CALCRL: variants seen among roughly 807,000 people sequenced by gnomAD.
CALCRL encodes calcitonin gene-related peptide type 1 receptor.
In CALCRL, 27 loss-of-function variants were observed where a neutral mutation model predicts 60.4. That is an observed-to-expected ratio of 0.45 (90% CI 0.33 to 0.62). The LOEUF (loss-of-function observed/expected upper bound fraction) is 0.62. Ranked by LOEUF, CALCRL falls within the 20% of genes least tolerant of loss-of-function variation. The pLI is 0.03. For missense variants in CALCRL, 424 were observed against 540.7 expected, an observed-to-expected ratio of 0.78 and a Z score of 2.14; for synonymous variants, 190 against 182.6, an observed-to-expected ratio of 1.04 and a Z score of -0.33.
intron 1 of CALCRL, among the ~76,000 whole-genome samples, chr2:187,412,928 T>G (rs539734392): frequency 1.3e-5 from 2 of 152,226 alleles, no homozygotes; most frequent in Non-Finnish European, 2.9e-5. Flanking sequence ...TAAATATGCT[T>G]TGTTGATTGT....
intron 1 of CALCRL, among the ~76,000 whole-genome samples, chr2:187,440,740 G>A (rs1406423041): frequency 4.6e-5 from 7 of 152,040 alleles, no homozygotes. Context: ...TTTGAAGGAA[G>A]TAGACTGGAA....
At chr2:187,405,709 G>T (rs1001043678) in intron 1 of CALCRL, among the ~76,000 whole-genome samples, 5 of 152,008 alleles carry the variant, frequency 3.3e-5, no homozygotes, top group Non-Finnish European at 2.9e-5. Context: ...ATTAGCACTC[G>T]GTTATTAGTT....
intron 1 of CALCRL, among the ~76,000 whole-genome samples, chr2:187,416,242 TAAAC>T (rs1042487634): frequency 2.0e-5 from 3 of 152,168 alleles, no homozygotes; most frequent in Middle Eastern, 3.2e-3. Flanking sequence ...CAATTAAAAA[TAAAC>T]AAATTTACTA....
intron 12 of CALCRL, among the ~76,000 whole-genome samples, chr2:187,357,306 A>G (rs1321980813): frequency 6.6e-6 from 1 of 152,058 alleles, no homozygotes; most frequent in African/African-American, 2.4e-5. Context: ...TATATACACC[A>G]TGGAATACTA....
At chr2:187,417,229 G>A (rs928138317) in intron 1 of CALCRL, among the ~76,000 whole-genome samples, 5 of 151,834 alleles carry the variant, frequency 3.3e-5, no homozygotes, top group African/African-American at 1.2e-4. Flanking sequence ...TATACTCAGA[G>A]TAGCATAGTT....
At chr2:187,413,423 C>T (rs528961735) in intron 1 of CALCRL, among the ~76,000 whole-genome samples, 1 of 152,008 alleles carries the variant, frequency 6.6e-6, no homozygotes. Context: ...GACTGTTGCT[C>T]TATCTATAAC....
At chr2:187,406,220 G>A (rs910851404) in intron 1 of CALCRL, among the ~76,000 whole-genome samples, 1 of 149,742 alleles carries the variant, frequency 6.7e-6, no homozygotes, top group Non-Finnish European at 1.5e-5. Context: ...TATGTTGTAT[G>A]TGAAAAACAT....
At chr2:187,406,922 T>C (rs1029256064) in intron 1 of CALCRL, among the ~76,000 whole-genome samples, 4 of 152,094 alleles carry the variant, frequency 2.6e-5, no homozygotes, top group African/African-American at 9.7e-5. Flanking sequence ...TAGTAGTGTT[T>C]GTGAAGTCTA....
At chr2:187,366,951 C>A (rs1448540339) in intron 8 of CALCRL, among the ~76,000 whole-genome samples, 5 of 151,544 alleles carry the variant, frequency 3.3e-5, no homozygotes, top group Admixed American at 3.3e-4. Flanking sequence ...CACACACACA[C>A]ACACACACAC....
intron 1 of CALCRL, among the ~76,000 whole-genome samples, chr2:187,427,894 C>T (rs1434198517): frequency 6.6e-6 from 1 of 152,154 alleles, no homozygotes; most frequent in Non-Finnish European, 1.5e-5. Flanking sequence ...GTCATTTCTA[C>T]TATTTGATTT....
At chr2:187,354,182 C>T (rs1374560976) in intron 12 of CALCRL, among the ~76,000 whole-genome samples, 1 of 151,950 alleles carries the variant, frequency 6.6e-6, no homozygotes, top group Non-Finnish European at 1.5e-5. Context: ...AAGAAGAAAC[C>T]TTTAACTGAC....
At chr2:187,429,837 AC>A (rs1261596745) in intron 1 of CALCRL, among the ~76,000 whole-genome samples, 2 of 151,682 alleles carry the variant, frequency 1.3e-5, no homozygotes, top group African/African-American at 4.9e-5. Context: ...ATTATCAGCT[AC>A]TTCCAATTTA....
intron 1 of CALCRL, among the ~76,000 whole-genome samples, chr2:187,389,072 T>TC (rs1559056382): frequency 1.3e-5 from 2 of 150,250 alleles, no homozygotes; most frequent in African/African-American, 4.9e-5. Context: ...TCTTCTTCTT[T>TC]TTTTTTTTTT....
chr2:187,350,300 C>T (rs1294637769), intron 14 of CALCRL, among the ~76,000 whole-genome samples: 2 of 151,598 alleles, frequency 1.3e-5, no homozygotes, highest in Non-Finnish European at 3.0e-5. Flanking sequence ...TTAATTATTA[C>T]ATCCTATACA....
intron 14 of CALCRL, among the ~76,000 whole-genome samples, chr2:187,348,386 T>C (rs916137336): frequency 1.3e-5 from 2 of 151,656 alleles, no homozygotes; most frequent in African/African-American, 4.8e-5. Flanking sequence ...GCTGAATTGG[T>C]TGAGTATGTA....
At chr2:187,357,858 G>A (rs1439354684) in intron 12 of CALCRL, among the ~76,000 whole-genome samples, 2 of 151,320 alleles carry the variant, frequency 1.3e-5, no homozygotes, top group African/African-American at 4.9e-5. Context: ...GTTGACGGGT[G>A]CAGCAAACCA....
chr2:187,412,392 G>A (rs997564995), intron 1 of CALCRL, among the ~76,000 whole-genome samples: 5 of 152,110 alleles, frequency 3.3e-5, no homozygotes, highest in African/African-American at 4.8e-5. Context: ...TCAAGAGCAT[G>A]GGCTCCAGTC....
At chr2:187,433,425 A>G (rs1048792922) in intron 1 of CALCRL, among the ~76,000 whole-genome samples, 1 of 152,118 alleles carries the variant, frequency 6.6e-6, no homozygotes, top group South Asian at 2.1e-4. Flanking sequence ...ATAAAATTAC[A>G]ATGTATGTGT....
chr2:187,446,656 A>G (rs1204111360), intron 1 of CALCRL, among the ~76,000 whole-genome samples: 1 of 151,864 alleles, frequency 6.6e-6, no homozygotes, highest in East Asian at 1.9e-4. Context: ...CCCCATTTAT[A>G]TAATGGCTAA....
Sources: gnomAD v4.1 joint callset for allele counts (sites outside exome capture counted in the v4.1 genomes callset) on GRCh38, gnomAD v4.1.1 for gene constraint, MANE v1.5 for transcripts, NCBI Gene and HGNC (gene_info 2026-07-23, HGNC 2026-07-21) for gene names.